Variants in C12orf42 observed in about 807,000 individuals in gnomAD.
The protein encoded by C12orf42 is uncharacterized protein C12orf42.
C12orf42 carries 25 observed loss-of-function variants against 21.6 expected under a neutral mutation model. The observed-to-expected ratio is 1.16, with a 90% confidence interval of 0.84 to 1.62. The LOEUF (loss-of-function observed/expected upper bound fraction) is 1.62, where lower values mean the gene tolerates loss of function less well. Among genes scored for constraint, C12orf42 ranks in the 40% most tolerant of loss-of-function variants. The pLI is 0.00. For synonymous variants in C12orf42, 174 were observed against 175.0 expected (o/e 0.99, Z 0.05); for missense variants, 483 against 459.3 (o/e 1.05, Z -0.47).
At chr12:103,177,938 G>C in the C12orf42 span, among the ~76,000 whole-genome samples, 1 of 152,114 alleles carries the variant, frequency 6.6e-6, no homozygotes, top group Admixed American at 6.5e-5. Context: ...AGAATGGATA[G>C]GGAAAGTTTT....
chr12:103,426,150 T>C (rs557734280), intron 2 of C12orf42, among the ~76,000 whole-genome samples: 1 of 152,210 alleles, frequency 6.6e-6, no homozygotes, highest in South Asian at 2.1e-4. Context: ...AGGTGGGTAA[T>C]AACAAACTCC....
chr12:103,254,063 C>G (rs915195335), intron 10 of C12orf42, among the ~76,000 whole-genome samples: 1 of 152,140 alleles, frequency 6.6e-6, no homozygotes, highest in Non-Finnish European at 1.5e-5. Context: ...TGCGTATGTC[C>G]TGAATGGTAT....
At chr12:103,049,685 C>T in the C12orf42 span, among the ~76,000 whole-genome samples, 1 of 152,198 alleles carries the variant, frequency 6.6e-6, no homozygotes, top group Admixed American at 6.5e-5. Context: ...CCCTTGTTCA[C>T]TCTCTTTTAG....
At chr12:103,393,754 A>G (rs1180355951) in intron 3 of C12orf42, among the ~76,000 whole-genome samples, 1 of 152,190 alleles carries the variant, frequency 6.6e-6, no homozygotes, top group African/African-American at 2.4e-5. Flanking sequence ...AATGAATGAA[A>G]CACCTAATAC....
chr12:103,215,712 C>T, the C12orf42 span, among the ~76,000 whole-genome samples: 21 of 152,326 alleles, frequency 1.4e-4, no homozygotes, highest in East Asian at 3.5e-3. Flanking sequence ...CAAGAAAGTG[C>T]ACCCTCCAAC....
At chr12:103,122,026 T>A in the C12orf42 span, among the ~76,000 whole-genome samples, 1 of 152,186 alleles carries the variant, frequency 6.6e-6, no homozygotes, top group Non-Finnish European at 1.5e-5. Context: ...GGCACTATTG[T>A]TTTTTTCTGC....
chr12:103,158,754 C>T, the C12orf42 span, among the ~76,000 whole-genome samples: 3 of 151,914 alleles, frequency 2.0e-5, no homozygotes, highest in Non-Finnish European at 4.4e-5. Flanking sequence ...GTGGCAGGCG[C>T]CTGTAATCCC....
At chr12:103,524,804 T>G in the C12orf42 span, among the ~76,000 whole-genome samples, 2 of 152,168 alleles carry the variant, frequency 1.3e-5, no homozygotes, top group Non-Finnish European at 2.9e-5. Flanking sequence ...CAGGAAGCAC[T>G]TTCAGGCATG....
chr12:103,049,104 C>T, the C12orf42 span, among the ~76,000 whole-genome samples: 1 of 152,168 alleles, frequency 6.6e-6, no homozygotes, highest in Non-Finnish European at 1.5e-5. Flanking sequence ...AAACATATAT[C>T]TATGGCTCAG....
intron 4 of C12orf42, among the ~76,000 whole-genome samples, chr12:103,280,508 A>G (rs565994989): frequency 3.9e-5 from 6 of 152,108 alleles, no homozygotes; most frequent in Non-Finnish European, 8.8e-5. Flanking sequence ...AATCTCAGCT[A>G]CTCGGGAGGT....
the C12orf42 span, among the ~76,000 whole-genome samples, chr12:103,529,744 T>G: frequency 6.6e-6 from 1 of 152,210 alleles, no homozygotes; most frequent in South Asian, 2.1e-4. Context: ...TTGCAACATC[T>G]GATTCCTTTT....
At chr12:103,307,497 A>G (rs551994878) in intron 4 of C12orf42, among the ~76,000 whole-genome samples, 55 of 152,308 alleles carry the variant, frequency 3.6e-4, no homozygotes, top group African/African-American at 1.3e-3. Context: ...GTCTCAGTAG[A>G]AAGTAAACAG....
intron 4 of C12orf42, among the ~76,000 whole-genome samples, chr12:103,360,066 C>T (rs2043948387): frequency 6.6e-6 from 1 of 150,780 alleles, no homozygotes; most frequent in African/African-American, 2.4e-5. Context: ...AGTTTTCCTA[C>T]CTGTAGTCTT....
the C12orf42 span, among the ~76,000 whole-genome samples, chr12:103,060,283 C>A: frequency 7.9e-5 from 12 of 151,986 alleles, no homozygotes; most frequent in African/African-American, 2.9e-4. Context: ...ACATGAAGGA[C>A]CTCTTTAAGG....
the C12orf42 span, among the ~76,000 whole-genome samples, chr12:103,189,619 T>C: frequency 1.3e-5 from 2 of 152,182 alleles, no homozygotes; most frequent in Non-Finnish European, 2.9e-5. Flanking sequence ...GACATCTTCC[T>C]CCTAGGAGCT....
downstream of C12orf42, among the ~76,000 whole-genome samples, chr12:103,297,223 C>T (rs1175331976): frequency 6.6e-6 from 1 of 152,070 alleles, no homozygotes; most frequent in Admixed American, 6.5e-5. Context: ...GTCTATATCC[C>T]TGTTTTGGTA....
rs573997849 is a variant in C12orf42, at chr12:103,252,441, CCT to C, written c.*1366+10883_*1366+10884del. Among the ~76,000 whole-genome samples, 329 of 152,280 alleles carry C rather than the reference CCT, an allele frequency of 2.2e-3. 4 individuals carry two copies. The highest frequency in any genetic ancestry group is 7.4e-3 in the African/African-American group (309 of 41,540). ...TAAAAGCATTCCTATTTCTCCACAT[CCT>C]CCCCATCATCTGTTGTCTCCTGACT... On this transcript the variant is annotated intron_variant and NMD_transcript_variant, in intron 10 of 10. Transcript: ENST00000547347.
the C12orf42 span, among the ~76,000 whole-genome samples, chr12:103,146,551 TAAAGAAAGAAAAGAAAGAAAG>T: frequency 2.5e-3 from 97 of 39,382 alleles, no homozygotes; most frequent in African/African-American, 9.0e-3. Flanking sequence ...GAAAGAGAAA[TAAAGAAAGAAAAGAAAGAAAG>T]AAAGAAAGAA....
At chr12:103,073,673 A>G in the C12orf42 span, among the ~76,000 whole-genome samples, 1,638 of 152,250 alleles carry the variant, frequency 0.011, 12 homozygotes, top group South Asian at 0.019. Flanking sequence ...TTTTGCTTGC[A>G]TGAGCTTCCA....
Sources: gnomAD v4.1 joint callset for allele counts (sites outside exome capture counted in the v4.1 genomes callset) on GRCh38, gnomAD v4.1.1 for gene constraint, MANE v1.5 for transcripts, NCBI Gene and HGNC (gene_info 2026-07-23, HGNC 2026-07-21) for gene names.